Variants in MYO1D observed in about 807,000 individuals in gnomAD.
MYO1D encodes the protein unconventional myosin-Id.
In MYO1D, 83 loss-of-function variants were observed where a neutral mutation model predicts 122.0. The ratio of observed to expected loss-of-function variants is 0.68; its 90% CI spans 0.57 to 0.82. MYO1D has a LOEUF of 0.82. Ranked by LOEUF, MYO1D falls within the 40% of genes least tolerant of loss-of-function variation. The pLI is 0.00. For synonymous variants in MYO1D, 464 were observed against 446.9 expected (o/e 1.04, Z -0.48); for missense variants, 1,157 against 1,269.5 (o/e 0.91, Z 1.35).
At chr17:32,800,296 TC>T (rs2090449969) in intron 1 of MYO1D, among the ~76,000 whole-genome samples, 1 of 152,180 alleles carries the variant, frequency 6.6e-6, no homozygotes, top group African/African-American at 2.4e-5. Context: ...TAAGTTTTCA[TC>T]AACAGAGGAA....
chr17:32,628,427 T>C (rs1425266098), intron 20 of MYO1D, among the ~76,000 whole-genome samples: 1 of 152,230 alleles, frequency 6.6e-6, no homozygotes, highest in East Asian at 1.9e-4. Flanking sequence ...CAAAAACCTG[T>C]CACGATTTCC....
At chr17:32,810,471 G>C (rs1221055540) in intron 1 of MYO1D, among the ~76,000 whole-genome samples, 1 of 151,504 alleles carries the variant, frequency 6.6e-6, no homozygotes, top group African/African-American at 2.4e-5. Flanking sequence ...ATAAGGTTAA[G>C]TCCGTAACTT....
chr17:32,641,652 T>C (rs900048119), intron 19 of MYO1D, among the ~76,000 whole-genome samples: 2 of 152,230 alleles, frequency 1.3e-5, no homozygotes, highest in Admixed American at 1.3e-4. Flanking sequence ...GGCATCTCAT[T>C]GTGGTTTTGA....
chr17:32,598,012 G>A lies in MYO1D; in HGVS notation c.2864+7075C>T, dbSNP rs188911025. ...ATATCAATATAGATAGAATTCTCTT[G>A]TTCTTGTATTGGTAGCATTTACAAT... On this transcript the variant is annotated intron_variant, in intron 21 of 21. Transcript: ENST00000318217. Among the ~76,000 whole-genome samples, 72 of 150,898 alleles carry A rather than the reference G, an allele frequency of 4.8e-4. No individual in the cohort carries two copies. The East Asian group carries it at 7.6e-3, about 16-fold the overall frequency.
chr17:32,550,214 C>A (rs1422298090), intron 21 of MYO1D, among the ~76,000 whole-genome samples: 1 of 152,082 alleles, frequency 6.6e-6, no homozygotes, highest in East Asian at 1.9e-4. Flanking sequence ...ATTCTCGTGC[C>A]TCAGCCTTCC....
chr17:32,549,032 A>G (rs1251918607), intron 21 of MYO1D, among the ~76,000 whole-genome samples: 1 of 152,120 alleles, frequency 6.6e-6, no homozygotes, highest in Non-Finnish European at 1.5e-5. Context: ...TTATTTTTAT[A>G]TATATCTGTA....
intron 16 of MYO1D, among the ~76,000 whole-genome samples, chr17:32,707,475 C>T (rs1233593994): frequency 6.6e-6 from 1 of 152,126 alleles, no homozygotes; most frequent in African/African-American, 2.4e-5. Context: ...AATCTCACTC[C>T]TGGGAATTCA....
chr17:32,727,638 A>G (rs2089592513), intron 14 of MYO1D: 1 of 152,252 alleles, frequency 6.6e-6, no homozygotes, highest in African/African-American at 2.4e-5. Context: ...AATACAGAAA[A>G]AAAGAAAATA....
At chr17:32,688,033 C>T (rs1000599488) in intron 16 of MYO1D, among the ~76,000 whole-genome samples, 2 of 152,074 alleles carry the variant, frequency 1.3e-5, no homozygotes, top group Admixed American at 1.3e-4. Flanking sequence ...CAGAATCCAC[C>T]GGGAATTTCT....
chr17:32,519,696 T>C, intron 21 of MYO1D, among the ~76,000 whole-genome samples: 1 of 151,950 alleles, frequency 6.6e-6, no homozygotes, highest in East Asian at 1.9e-4. Flanking sequence ...CTGTTTTTGT[T>C]TGTCTGTCTT....
chr17:32,701,016 A>C (rs1003801343), intron 16 of MYO1D, among the ~76,000 whole-genome samples: 3 of 151,066 alleles, frequency 2.0e-5, no homozygotes, highest in African/African-American at 7.4e-5. Context: ...GGAAAAAATA[A>C]TACAATACAT....
Position 32,764,863 on chromosome 17 carries a change from C to G in MYO1D, c.1035+15G>C, listed in dbSNP as rs2151018948. ...CGATCAACACCAGGTGACATAGGGT[C>G]AGTTACACTCTCACCTTGGCAAAGG... On this transcript the variant is annotated intron_variant, in intron 8 of 21. Transcript: ENST00000318217. The G allele has an allele frequency of 2.5e-6, 4 of 1,613,378 alleles. No homozygotes were observed. Among genetic ancestry groups the G allele is most frequent in the Non-Finnish European group, 3.4e-6 (4 of 1,179,750 alleles).
At chr17:32,646,373 G>A (rs975080996) in intron 19 of MYO1D, among the ~76,000 whole-genome samples, 4 of 152,096 alleles carry the variant, frequency 2.6e-5, no homozygotes, top group African/African-American at 7.2e-5. Context: ...GGAGGCTGAG[G>A]CAAGAGCATT....
chr17:32,608,838 G>A (rs2087662910), intron 20 of MYO1D, among the ~76,000 whole-genome samples: 1 of 152,176 alleles, frequency 6.6e-6, no homozygotes, highest in African/African-American at 2.4e-5. Context: ...TAATGATACA[G>A]ATTACTGACA....
intron 21 of MYO1D, among the ~76,000 whole-genome samples, chr17:32,601,958 A>G (rs1031795509): frequency 6.6e-6 from 1 of 152,230 alleles, no homozygotes; most frequent in Non-Finnish European, 1.5e-5. Context: ...AGACTAATTT[A>G]TACTTAGTTG....
In MYO1D at chr17:32,492,864, A is replaced by T. The variant is rs1271636418; in HGVS notation, c.*1895T>A. The T allele has an allele frequency of 8.2e-6, 1 of 122,466 alleles. No homozygotes were observed. 7.6% of individuals were successfully genotyped at this position (122,466 alleles called of 1,614,324 possible). On this transcript the variant is annotated 3_prime_UTR_variant, in exon 22 of 22. Coordinates refer to ENST00000318217, the MANE Select transcript of MYO1D (RefSeq NM_015194.3). ...CTGTGGCTTTTAGTACATCATAAAAAAGTGCTTGTCCTGTGGCCTCAGCTG... is the reference window on the plus strand; with the variant it reads ...CTGTGGCTTTTAGTACATCATAAAATAGTGCTTGTCCTGTGGCCTCAGCTG...
At chr17:32,682,746 G>A (rs2088940004) in intron 16 of MYO1D, among the ~76,000 whole-genome samples, 1 of 119,472 alleles carries the variant, frequency 8.4e-6, no homozygotes, top group African/African-American at 3.6e-5. Flanking sequence ...CTCTTCTCGA[G>A]GAGTATCTTT....
rs191254834 is a variant in MYO1D at position 32,804,348 on chromosome 17, C to T, written c.96-23564G>A. On this transcript the variant is annotated intron_variant, in intron 1 of 21. Coordinates refer to ENST00000318217, the MANE Select transcript of MYO1D (RefSeq NM_015194.3). Reference sequence around the variant, plus strand: ...ATGCAGGACACATAGATATAGAGGGCTCTAATAGTATGACTAACACTAACT... The same window carrying T: ...ATGCAGGACACATAGATATAGAGGGTTCTAATAGTATGACTAACACTAACT... Among the ~76,000 whole-genome samples, 432 of 152,236 alleles carry T rather than the reference C, an allele frequency of 2.8e-3. 14 individuals carry two copies. Among genetic ancestry groups the T allele is most frequent in the Admixed American group, 0.026 (403 of 15,294 alleles).
chr17:32,806,545 T>G (rs1041349704), intron 1 of MYO1D, among the ~76,000 whole-genome samples: 1 of 152,082 alleles, frequency 6.6e-6, no homozygotes, highest in Non-Finnish European at 1.5e-5. Flanking sequence ...TTTAAATTTT[T>G]AAAAAATTTT....
Sources: allele counts gnomAD v4.1 joint callset (sites outside exome capture counted in the v4.1 genomes callset), GRCh38; gene constraint gnomAD v4.1.1; transcripts MANE v1.5; gene names NCBI Gene and HGNC (gene_info 2026-07-23, HGNC 2026-07-21).